Variants in TGFA observed in about 807,000 individuals in gnomAD.
TGFA encodes transforming growth factor alpha.
Under a neutral mutation model 21.7 loss-of-function variants are expected in TGFA, and 12 were observed. The ratio of observed to expected loss-of-function variants is 0.55; its 90% CI spans 0.35 to 0.90. The LOEUF is 0.90. Ranked by LOEUF, TGFA falls within the 40% of genes least tolerant of loss-of-function variation. The pLI, the probability that TGFA is intolerant of heterozygous loss-of-function variation, is 0.01. For missense variants in TGFA, 178 were observed against 210.8 expected (o/e 0.84, Z 0.96); for synonymous variants, 79 against 88.1 (o/e 0.90, Z 0.58).
chr2:70,538,883 AT>A (rs782113203), intron 1 of TGFA, among the ~76,000 whole-genome samples: 31 of 152,340 alleles, frequency 2.0e-4, no homozygotes, highest in African/African-American at 6.7e-4. Flanking sequence ...ATCAAACAGA[AT>A]CACATGCCAC....
At chr2:70,533,358 C>T (rs545854697) in intron 1 of TGFA, among the ~76,000 whole-genome samples, 3 of 151,828 alleles carry the variant, frequency 2.0e-5, no homozygotes, top group East Asian at 1.9e-4. Flanking sequence ...AATGTTACAA[C>T]GGAAGCACAT....
chr2:70,478,110 G>A (rs1559110352), intron 2 of TGFA, among the ~76,000 whole-genome samples: 2 of 152,090 alleles, frequency 1.3e-5, no homozygotes, highest in Admixed American at 6.5e-5. Context: ...TGTTCTGTCC[G>A]TTCTCCATCC....
At chr2:70,491,860 A>T (rs1268819392) in intron 2 of TGFA, among the ~76,000 whole-genome samples, 1 of 152,228 alleles carries the variant, frequency 6.6e-6, no homozygotes, top group Non-Finnish European at 1.5e-5. Context: ...CACTCCACAC[A>T]TCATAGAGTA....
chr2:70,518,104 C>T (rs1166085467), intron 1 of TGFA, among the ~76,000 whole-genome samples: 1 of 152,258 alleles, frequency 6.6e-6, no homozygotes, highest in African/African-American at 2.4e-5. Context: ...GGGAGACACA[C>T]AGTGCACAGG....
At chr2:70,518,716 C>T (rs1672361544) in intron 1 of TGFA, among the ~76,000 whole-genome samples, 1 of 152,158 alleles carries the variant, frequency 6.6e-6, no homozygotes. Context: ...TCATCAACCA[C>T]CCATTGGCCT....
intron 2 of TGFA, among the ~76,000 whole-genome samples, chr2:70,476,034 A>G (rs967336560): frequency 7.8e-6 from 1 of 127,906 alleles, no homozygotes; most frequent in Non-Finnish European, 1.6e-5. Flanking sequence ...TCCAGCTCCC[A>G]GGTTGCTTCT....
intron 2 of TGFA, among the ~76,000 whole-genome samples, chr2:70,487,138 GA>G (rs1469455331): frequency 6.6e-6 from 1 of 152,188 alleles, no homozygotes; most frequent in Non-Finnish European, 1.5e-5. Flanking sequence ...GAGAACAGAA[GA>G]GTACAAAGAA....
chr2:70,552,836 A>G (rs1295205534), intron 1 of TGFA, among the ~76,000 whole-genome samples: 1 of 152,248 alleles, frequency 6.6e-6, no homozygotes, highest in Non-Finnish European at 1.5e-5. Context: ...GACTAGCAAT[A>G]ACCAGGACAC....
chr2:70,523,504 A>G (rs1310553137), intron 1 of TGFA, among the ~76,000 whole-genome samples: 1 of 152,096 alleles, frequency 6.6e-6, no homozygotes, highest in Non-Finnish European at 1.5e-5. Flanking sequence ...TACAAACACT[A>G]ACTCCTTCTC....
intron 1 of TGFA, among the ~76,000 whole-genome samples, chr2:70,532,798 G>A (rs1672852618): frequency 6.6e-6 from 1 of 152,060 alleles, no homozygotes; most frequent in Non-Finnish European, 1.5e-5. Flanking sequence ...CAGCCAGAAA[G>A]TGCTGTTCCC....
At chr2:70,507,719 A>G (rs1213627731) in intron 2 of TGFA, among the ~76,000 whole-genome samples, 5 of 152,222 alleles carry the variant, frequency 3.3e-5, no homozygotes, top group Non-Finnish European at 7.3e-5. Context: ...ATTTCTCAGG[A>G]GGTTATGTCC....
At chr2:70,515,845 G>A (rs1226428640) in intron 1 of TGFA, among the ~76,000 whole-genome samples, 1 of 152,158 alleles carries the variant, frequency 6.6e-6, no homozygotes, top group Non-Finnish European at 1.5e-5. Flanking sequence ...AAGCCTCTAA[G>A]CCCCCAGTGC....
At chr2:70,463,221 G>C (rs1670456054) in intron 3 of TGFA, among the ~76,000 whole-genome samples, 2 of 152,150 alleles carry the variant, frequency 1.3e-5, no homozygotes, top group Non-Finnish European at 2.9e-5. Flanking sequence ...AGTTGTGAGG[G>C]ATCCATGGTT....
At chr2:70,465,908 C>T (rs1553492156) in intron 2 of TGFA, among the ~76,000 whole-genome samples, 172 bp from the exon 3 acceptor site, 1 of 152,204 alleles carries the variant, frequency 6.6e-6, no homozygotes, top group African/African-American at 2.4e-5. Context: ...TAAGACAGGC[C>T]TAGAGCTCCT....
chr2:70,494,130 G>C (rs1404514841), intron 2 of TGFA, among the ~76,000 whole-genome samples: 1 of 152,218 alleles, frequency 6.6e-6, no homozygotes, highest in East Asian at 1.9e-4. Flanking sequence ...CCTCTGGCTT[G>C]AGGCTGCATC....
In TGFA at chr2:70,453,249, C is replaced by T. The variant is rs140828225; in HGVS notation, c.444G>A (p.Lys148=). ...CTGAGTGGCAGCAAGCGGTTCTTCCCTTCAGGAGGGCGCTGGGCTTCTCGT... is the reference window on the plus strand; with the variant it reads ...CTGAGTGGCAGCAAGCGGTTCTTCCTTTCAGGAGGGCGCTGGGCTTCTCGT... ...CRHEKPSALL[K]GRTACCHSET... is the part of the protein sequence containing the mutation. Residue 148 remains lysine, a synonymous_variant, in exon 5 of 6, where the codon AAG becomes AAA. Transcript: ENST00000295400. The T allele has an allele frequency of 2.5e-6, 4 of 1,613,912 alleles. No individual in the cohort carries two copies. In the African/African-American group the frequency reaches 4.0e-5, roughly 16 times the overall value.
intron 4 of TGFA, among the ~76,000 whole-genome samples, chr2:70,455,446 C>T (rs1382166960): frequency 2.0e-5 from 3 of 152,192 alleles, no homozygotes; most frequent in Non-Finnish European, 2.9e-5. Flanking sequence ...AGGGGCCCAT[C>T]CACTGACTGT....
In TGFA at chr2:70,453,182, C is replaced by G. The variant is rs782558378; in HGVS notation, c.475+36G>C. The G allele has an allele frequency of 2.5e-6, 4 of 1,585,348 alleles. No individual in the cohort carries two copies. The East Asian group carries it at 9.0e-5, about 36-fold the overall frequency. On this transcript the variant is annotated intron_variant, in intron 5 of 5. Transcript: ENST00000295400. Reference sequence around the variant, plus strand: ...TGGAGAAGGTGGTCGTTTTCTCCACCCAATAGTGTCTCCCACCAGAGAAGA... The same window carrying G: ...TGGAGAAGGTGGTCGTTTTCTCCACGCAATAGTGTCTCCCACCAGAGAAGA...
chr2:70,467,316 G>T (rs1016606859), intron 2 of TGFA: 1 of 152,334 alleles, frequency 6.6e-6, no homozygotes, highest in Admixed American at 6.5e-5. Context: ...AAAAAGAGCA[G>T]AGTAGGGGCT....
Sources: allele counts gnomAD v4.1 joint callset (sites outside exome capture counted in the v4.1 genomes callset), GRCh38; gene constraint gnomAD v4.1.1; transcripts MANE v1.5; gene names NCBI Gene and HGNC (gene_info 2026-07-23, HGNC 2026-07-21).